TENM4: variants seen among roughly 807,000 people sequenced by gnomAD.
TENM4 encodes teneurin-4.
In TENM4, 82 loss-of-function variants were observed where a neutral mutation model predicts 243.3. The ratio of observed to expected loss-of-function variants is 0.34; its 90% CI spans 0.28 to 0.40. TENM4 has a LOEUF of 0.40. Ranked by LOEUF, TENM4 falls within the 10% of genes least tolerant of loss-of-function variation. TENM4 has a pLI of 1.00. For synonymous variants in TENM4, 1,412 were observed against 1,456.3 expected, an observed-to-expected ratio of 0.97 and a Z score of 0.69; for missense variants, 3,138 against 3,673.3, an observed-to-expected ratio of 0.85 and a Z score of 3.77.
Position 79,434,398 on chromosome 11 carries a change from G to T in TENM4, c.-321+6111C>A, listed in dbSNP as rs377642281. On this transcript the variant is annotated intron_variant, in intron 1 of 33. Transcript: ENST00000278550. ...CCTCTGAACCAAAGGGAAGGAGAAA[G>T]GTGGGAGGGGGAAATCCACAGCCTC... Among the ~76,000 whole-genome samples, 3 of 152,210 alleles carry T rather than the reference G, an allele frequency of 2.0e-5. No individual in the cohort carries two copies. In the East Asian group the frequency reaches 5.8e-4, roughly 29 times the overall value.
Position 78,658,750 on chromosome 11 carries a change from C to CA in TENM4, c.7617dup (p.Asp2540Ter). On this transcript the variant is annotated frameshift_variant, in exon 34 of 34. Coordinates refer to ENST00000278550, the MANE Select transcript of TENM4 (RefSeq NM_001098816.3). LOFTEE classifies it high-confidence loss of function. ...GTGATTGTGGAGCCATAGAGCTGGT[C>CA]AAACCGTTCTAAGGTGACAAAGGCC... 1 of 1,613,950 alleles carries CA rather than the reference C, an allele frequency of 6.2e-7. No homozygotes were observed. The highest frequency in any genetic ancestry group is 8.5e-7 in the Non-Finnish European group (1 of 1,179,894).
At chr11:79,315,995 A>G (rs780131100) in intron 1 of TENM4, among the ~76,000 whole-genome samples, 21 of 152,348 alleles carry the variant, frequency 1.4e-4, no homozygotes, top group Admixed American at 1.3e-3. Context: ...TAGTAAGAGC[A>G]AGTATTGTTA....
intron 6 of TENM4, among the ~76,000 whole-genome samples, chr11:79,055,758 C>T (rs116133179): frequency 8.7e-4 from 132 of 152,274 alleles, no homozygotes; most frequent in African/African-American, 3.0e-3. Context: ...TAGTAATTCG[C>T]ACAAAGTCAC....
chr11:78,873,752 T>A (rs1176928009), intron 9 of TENM4, among the ~76,000 whole-genome samples: 1 of 152,324 alleles, frequency 6.6e-6, no homozygotes. Flanking sequence ...GAAAGGATGT[T>A]AAAAGAGCAT....
chr11:79,080,797 C>T (rs1440204072), intron 4 of TENM4, among the ~76,000 whole-genome samples: 2 of 152,220 alleles, frequency 1.3e-5, no homozygotes, highest in South Asian at 2.1e-4. Flanking sequence ...TAGAAAAACC[C>T]TTTTCCTAGA....
rs78368983 is a variant in TENM4 at position 79,303,329 on chromosome 11, T to C, written c.-320-5786A>G. 8.3e-4 allele frequency among the ~76,000 whole-genome samples: 126 copies of C among 152,306 alleles called. No individual in the cohort carries two copies. The East Asian group carries it at 0.022, about 27-fold the overall frequency. ...CTCTGGGTGACCTTGGGTGGCATAT[T>C]TAACCTCCCTAAGCCTCTGTGTTTT... is the stretch of plus-strand genomic sequence containing the variant. On this transcript the variant is annotated intron_variant, in intron 1 of 33. Coordinates refer to ENST00000278550, the MANE Select transcript of TENM4 (RefSeq NM_001098816.3).
chr11:79,056,051 G>C (rs556733176), intron 6 of TENM4, among the ~76,000 whole-genome samples: 12 of 152,254 alleles, frequency 7.9e-5, no homozygotes, highest in African/African-American at 2.9e-4. Flanking sequence ...TTTCTTCCTT[G>C]AAGTCATCCT....
intron 19 of TENM4, among the ~76,000 whole-genome samples, chr11:78,738,838 T>A (rs763567378): frequency 5.9e-5 from 9 of 152,252 alleles, no homozygotes; most frequent in Non-Finnish European, 8.8e-5. Context: ...TACTGTATTA[T>A]GCTGTAAGGA....
chr11:78,951,532 A>C (rs897744861), intron 6 of TENM4, among the ~76,000 whole-genome samples: 1 of 152,086 alleles, frequency 6.6e-6, no homozygotes, highest in East Asian at 1.9e-4. Context: ...AAATAATAGA[A>C]ATTTATTTTC....
intron 1 of TENM4, among the ~76,000 whole-genome samples, chr11:79,382,203 C>G (rs112074087): frequency 4.3e-4 from 66 of 152,256 alleles, no homozygotes; most frequent in African/African-American, 1.1e-3. Flanking sequence ...GGCCGGGCAG[C>G]CTTCAGCCAG....
intron 4 of TENM4, among the ~76,000 whole-genome samples, chr11:79,086,276 T>C (rs910588631): frequency 1.3e-5 from 2 of 152,230 alleles, no homozygotes; most frequent in Non-Finnish European, 2.9e-5. Context: ...GCCTACTTGT[T>C]GCTGGAGCCA....
chr11:79,365,525 C>G (rs1301724642), intron 1 of TENM4, among the ~76,000 whole-genome samples: 2 of 152,194 alleles, frequency 1.3e-5, no homozygotes, highest in African/African-American at 4.8e-5. Flanking sequence ...TGCCTTCTGA[C>G]CAGCCTTCTC....
intron 2 of TENM4, among the ~76,000 whole-genome samples, chr11:79,289,164 G>A (rs1421119041): frequency 6.6e-6 from 1 of 152,154 alleles, no homozygotes; most frequent in African/African-American, 2.4e-5. Flanking sequence ...TTTTTCATGA[G>A]CAAATTCCAG....
chr11:79,042,985 GC>G (rs1227839462), intron 6 of TENM4, among the ~76,000 whole-genome samples: 1 of 152,154 alleles, frequency 6.6e-6, no homozygotes, highest in Non-Finnish European at 1.5e-5. Context: ...TGCCACAAAA[GC>G]CACCTGCGCT....
At chr11:79,085,396 T>A in intron 4 of TENM4, among the ~76,000 whole-genome samples, 1 of 77,442 alleles carries the variant, frequency 1.3e-5, no homozygotes, top group South Asian at 4.1e-4. Flanking sequence ...AAAGGGGGGT[T>A]TTTTTTTTGG....
chr11:78,870,867 G>T (rs1386244941), intron 9 of TENM4, among the ~76,000 whole-genome samples: 1 of 152,174 alleles, frequency 6.6e-6, no homozygotes, highest in Non-Finnish European at 1.5e-5. Flanking sequence ...AGTTGTAGGG[G>T]AACTGGAACT....
chr11:79,066,706 A>G (rs1028330750), intron 5 of TENM4, among the ~76,000 whole-genome samples: 27 of 148,202 alleles, frequency 1.8e-4, no homozygotes, highest in Non-Finnish European at 2.7e-4. Context: ...GAGCACACAC[A>G]CGCATGCACA....
In TENM4 at chr11:78,669,940, G is replaced by A. The variant is rs756227579; in HGVS notation, c.6405C>T (p.Thr2135=). The A allele has an allele frequency of 3.0e-5, 48 of 1,613,652 alleles. No individual in the cohort carries two copies. Among genetic ancestry groups the A allele is most frequent in the African/African-American group, 2.7e-5 (2 of 74,874 alleles). ...GCTTGGTGTGGGTCATGACAGCTGT[G>A]GTGATGATCTGGTTAATGTCATAGT... is the stretch of plus-strand genomic sequence containing the variant. ...VIYYDINQII[T]TAVMTHTKHF... Residue 2135 remains threonine (T), a synonymous_variant, in exon 32 of 34, where the codon ACC becomes ACT. Coordinates refer to ENST00000278550, the MANE Select transcript of TENM4 (RefSeq NM_001098816.3). This position sits in a 1 kb window ranked among gnomAD's most constrained non-coding sequence, Gnocchi z 6.4.
intron 1 of TENM4, among the ~76,000 whole-genome samples, chr11:79,359,603 G>A (rs59323528): frequency 0.016 from 2,388 of 152,138 alleles, 74 homozygotes; most frequent in African/African-American, 0.055. Context: ...AAGCATAAAA[G>A]TCTCATAAAA....
Sources: allele counts gnomAD v4.1 joint callset (sites outside exome capture counted in the v4.1 genomes callset), GRCh38; gene constraint gnomAD v4.1.1; non-coding constraint Gnocchi (gnomAD v3.1); transcripts MANE v1.5; gene names NCBI Gene and HGNC (gene_info 2026-07-23, HGNC 2026-07-21).